UNC79: variants seen among roughly 807,000 people sequenced by gnomAD.
UNC79 encodes the protein unc-79 subunit of NALCN channel complex, also known as protein unc-79 homolog.
A neutral mutation model predicts 283.1 loss-of-function variants in UNC79; 37 were observed. The ratio of observed to expected loss-of-function variants is 0.13; its 90% confidence interval spans 0.10 to 0.17. UNC79 has a LOEUF of 0.17. UNC79 is among the 10% of genes least tolerant of loss of function. UNC79 has a pLI of 1.00. For synonymous variants in UNC79, 1,107 were observed against 1,200.2 expected (o/e 0.92, Z 1.61); for missense variants, 2,272 against 3,211.1 (o/e 0.71, Z 7.07).
intron 1 of UNC79, chr14:93,466,979 A>G (rs1242764): frequency 0.42 from 381,283 of 918,010 alleles, 79,385 homozygotes; most frequent in East Asian, 0.65. Flanking sequence ...TCAGAAAGCT[A>G]TTAGGAAGTC....
At chr14:93,460,227 AG>A (rs2056919111) in intron 1 of UNC79, among the ~76,000 whole-genome samples, 2 of 133,606 alleles carry the variant, frequency 1.5e-5, no homozygotes, top group Non-Finnish European at 1.6e-5. Context: ...AAAAAAAAAA[AG>A]GCCGAGTGCA....
intron 1 of UNC79, among the ~76,000 whole-genome samples, chr14:93,391,034 A>G (rs1179412778): frequency 6.6e-6 from 1 of 152,240 alleles, no homozygotes; most frequent in African/African-American, 2.4e-5. Context: ...AAGCAGCAAT[A>G]TGGCAGGATT....
intron 1 of UNC79, among the ~76,000 whole-genome samples, chr14:93,403,822 AATG>A (rs1021778504): frequency 6.6e-6 from 1 of 152,142 alleles, no homozygotes; most frequent in African/African-American, 2.4e-5. Context: ...CCCAGAAAAC[AATG>A]ATATCATCTT....
At chr14:93,478,812 G>T (rs57184074) in intron 4 of UNC79, among the ~76,000 whole-genome samples, 58,399 of 151,956 alleles carry the variant, frequency 0.38, 11,487 homozygotes, top group East Asian at 0.65. Context: ...ATGTACTTAC[G>T]ATCTTATTAA....
At chr14:93,433,117 G>A (rs554132087) in intron 1 of UNC79, among the ~76,000 whole-genome samples, 27 of 152,294 alleles carry the variant, frequency 1.8e-4, no homozygotes, top group African/African-American at 6.0e-4. Context: ...ATGTCCTTCT[G>A]ATTAATTGTG....
At chr14:93,338,935 A>G (rs2139871771) in intron 1 of UNC79, among the ~76,000 whole-genome samples, 1 of 152,236 alleles carries the variant, frequency 6.6e-6, no homozygotes, top group Non-Finnish European at 1.5e-5. Flanking sequence ...CTTCAGACAA[A>G]TTAAATTTAA....
chr14:93,509,968 G>A (rs1294752123), intron 7 of UNC79, among the ~76,000 whole-genome samples: 1 of 152,128 alleles, frequency 6.6e-6, no homozygotes, highest in Non-Finnish European at 1.5e-5. Flanking sequence ...GGACATCCAG[G>A]CATTTCCATA....
At chr14:93,391,336 G>A (rs1008770018) in intron 1 of UNC79, among the ~76,000 whole-genome samples, 5 of 152,142 alleles carry the variant, frequency 3.3e-5, no homozygotes, top group African/African-American at 4.8e-5. Flanking sequence ...TCAATTCCAC[G>A]TGGGTTGTAG....
chr14:93,612,170 C>T (rs1330073430), intron 26 of UNC79, among the ~76,000 whole-genome samples: 2 of 152,228 alleles, frequency 1.3e-5, no homozygotes, highest in Non-Finnish European at 2.9e-5. Flanking sequence ...TTTGTGTCCT[C>T]TCCCTTCCTT....
At chr14:93,426,327 T>C (rs1319414321), upstream of UNC79, among the ~76,000 whole-genome samples, 1 of 151,894 alleles carries the variant, frequency 6.6e-6, no homozygotes, top group East Asian at 1.9e-4. Flanking sequence ...CATGGTATTT[T>C]TCCTGCTTGG....
chr14:93,513,275 A>G (rs979029577), intron 7 of UNC79, among the ~76,000 whole-genome samples: 2 of 147,200 alleles, frequency 1.4e-5, no homozygotes, highest in African/African-American at 5.0e-5. Context: ...CTGGAGTGCA[A>G]TGGCATCACA....
chr14:93,587,097 T>C (rs1049562128), intron 22 of UNC79, among the ~76,000 whole-genome samples, 189 bp downstream of exon 22: 40 of 152,348 alleles, frequency 2.6e-4, no homozygotes, highest in African/African-American at 8.9e-4. Flanking sequence ...CAAGGAATGG[T>C]AATTTCCATT....
intron 1 of UNC79, among the ~76,000 whole-genome samples, chr14:93,344,688 C>T (rs1249342066): frequency 6.6e-6 from 1 of 152,194 alleles, no homozygotes; most frequent in Non-Finnish European, 1.5e-5. Flanking sequence ...CAATGTTGCA[C>T]TAAATCATTT....
intron 7 of UNC79, among the ~76,000 whole-genome samples, chr14:93,507,516 A>T (rs1424005463): frequency 6.6e-6 from 1 of 152,134 alleles, no homozygotes; most frequent in Admixed American, 6.5e-5. Context: ...CCTATATCTT[A>T]TGAAGTACCT....
intron 12 of UNC79, among the ~76,000 whole-genome samples, chr14:93,538,557 G>C (rs186111551): frequency 6.6e-6 from 1 of 152,232 alleles, no homozygotes; most frequent in South Asian, 2.1e-4. Context: ...AGGAAAGGGC[G>C]TTAGGGGAAC....
intron 4 of UNC79, 51 bp from the exon 5 acceptor site, chr14:93,487,612 A>T: frequency 6.9e-7 from 1 of 1,458,016 alleles, no homozygotes; most frequent in Non-Finnish European, 9.6e-7. Flanking sequence ...GCAAAGTAAC[A>T]GGTATATGTA....
chr14:93,600,460 G>A (rs997522796), intron 24 of UNC79, 109 bp from the exon 25 acceptor site: 4 of 705,860 alleles, frequency 5.7e-6, no homozygotes, highest in Non-Finnish European at 9.2e-6. Flanking sequence ...TTTGAATTGA[G>A]TAGGCTGCCT....
chr14:93,579,134 A>G (rs560749390), intron 18 of UNC79, among the ~76,000 whole-genome samples: 4 of 152,192 alleles, frequency 2.6e-5, no homozygotes, highest in Non-Finnish European at 5.9e-5. Flanking sequence ...TTTGGCAGGA[A>G]GACCACAGAT....
intron 17 of UNC79, 77 bp downstream of exon 17, chr14:93,575,275 G>T: frequency 6.3e-7 from 1 of 1,590,998 alleles, no homozygotes; most frequent in Non-Finnish European, 8.6e-7. Flanking sequence ...ACGCCTGAAA[G>T]TACTGTCATA....
Sources: gnomAD v4.1 joint callset for allele counts (sites outside exome capture counted in the v4.1 genomes callset) on GRCh38, gnomAD v4.1.1 for gene constraint, MANE v1.5 for transcripts, NCBI Gene and HGNC (gene_info 2026-07-23, HGNC 2026-07-21) for gene names.